CTNNA2: variants seen among roughly 807,000 people sequenced by gnomAD.
The protein encoded by CTNNA2 is catenin alpha-2.
In CTNNA2, 42 loss-of-function variants were observed where a neutral mutation model predicts 101.0. The ratio of observed to expected loss-of-function variants is 0.42; its 90% confidence interval spans 0.32 to 0.54. CTNNA2 has a LOEUF of 0.54. Ranked by LOEUF, CTNNA2 falls within the 20% of genes least tolerant of loss-of-function variation. The pLI is 0.14. For missense variants in CTNNA2, 871 were observed against 1,223.1 expected (o/e 0.71, Z 4.29); for synonymous variants, 450 against 456.4 (o/e 0.99, Z 0.18).
chr2:79,796,345 C>CGCCGCTGCATTCCAGCCTA, intron 3 of CTNNA2, among the ~76,000 whole-genome samples: 3 of 148,714 alleles, frequency 2.0e-5, no homozygotes, highest in African/African-American at 7.5e-5. Flanking sequence ...CCGAGAGCCG[C>CGCCGCTGCATTCCAGCCTA]GATTGCGCCG....
chr2:80,623,101 G>A, intron 18 of CTNNA2, among the ~76,000 whole-genome samples: 1 of 144,320 alleles, frequency 6.9e-6, no homozygotes, highest in African/African-American at 2.5e-5. Flanking sequence ...TTTGTTTCAA[G>A]AGAAAAATGA....
chr2:80,376,976 C>T, intron 7 of CTNNA2, among the ~76,000 whole-genome samples: 1 of 152,206 alleles, frequency 6.6e-6, no homozygotes, highest in East Asian at 1.9e-4. Context: ...CAGTCCCCAG[C>T]ATTTGCTCCC....
intron 7 of CTNNA2, among the ~76,000 whole-genome samples, chr2:80,143,662 TTC>T (rs1703153376): frequency 6.6e-6 from 1 of 152,092 alleles, no homozygotes; most frequent in Non-Finnish European, 1.5e-5. Context: ...CATTCCTACA[TTC>T]TCCTTTCAAA....
intron 9 of CTNNA2, among the ~76,000 whole-genome samples, chr2:80,475,305 T>C (rs1048237304): frequency 2.0e-5 from 3 of 152,156 alleles, no homozygotes; most frequent in East Asian, 1.9e-4. Flanking sequence ...TGGCATTTTT[T>C]CCCCTTTATT....
chr2:80,474,620 T>C (rs991222066), intron 9 of CTNNA2, among the ~76,000 whole-genome samples: 1 of 152,168 alleles, frequency 6.6e-6, no homozygotes, highest in South Asian at 2.1e-4. Flanking sequence ...TGCAAAGTCT[T>C]TTTATTATCT....
intron 7 of CTNNA2, among the ~76,000 whole-genome samples, chr2:80,258,728 G>A (rs930697282): frequency 1.3e-5 from 2 of 152,148 alleles, no homozygotes; most frequent in African/African-American, 4.8e-5. Flanking sequence ...GGCAGGGAAG[G>A]CAGAAGGAAC....
chr2:79,308,861 TGA>T (rs2104397949), intron 2 of CTNNA2, among the ~76,000 whole-genome samples: 1 of 152,048 alleles, frequency 6.6e-6, no homozygotes, highest in African/African-American at 2.4e-5. Flanking sequence ...CAAATGATTT[TGA>T]AGTTTTACCT....
At chr2:79,289,396 A>G (rs148433817) in intron 2 of CTNNA2, among the ~76,000 whole-genome samples, 5 of 152,256 alleles carry the variant, frequency 3.3e-5, no homozygotes, top group Non-Finnish European at 7.4e-5. Flanking sequence ...TAAAAATGGA[A>G]ATTATATTCA....
intron 3 of CTNNA2, among the ~76,000 whole-genome samples, chr2:79,746,435 A>C (rs1323454657): frequency 6.6e-6 from 1 of 152,192 alleles, no homozygotes; most frequent in East Asian, 1.9e-4. Context: ...TGTAGTTGAA[A>C]GTTCTAAGGA....
At chr2:80,593,045 T>G (rs1696647077) in intron 15 of CTNNA2, among the ~76,000 whole-genome samples, 1 of 152,310 alleles carries the variant, frequency 6.6e-6, no homozygotes, top group South Asian at 2.1e-4. Context: ...TTCAAGAATC[T>G]ATATAAGTAG....
chr2:79,387,984 C>T (rs144693728), intron 4 of CTNNA2, among the ~76,000 whole-genome samples: 1 of 152,146 alleles, frequency 6.6e-6, no homozygotes, highest in Admixed American at 6.5e-5. Context: ...AAGACATAGA[C>T]CCTGCATCTT....
chr2:79,573,615 C>T (rs940954364), intron 1 of CTNNA2: 20 of 152,302 alleles, frequency 1.3e-4, no homozygotes, highest in South Asian at 6.2e-4. Context: ...CATAGAACCA[C>T]GATTTTTAAA....
At chr2:80,434,914 G>GT (rs950264010) in intron 9 of CTNNA2, among the ~76,000 whole-genome samples, 5 of 151,986 alleles carry the variant, frequency 3.3e-5, no homozygotes, top group Non-Finnish European at 4.4e-5. Flanking sequence ...CTTTGAATGA[G>GT]TTTTTTTTCC....
At chr2:80,313,603 CTG>C in intron 7 of CTNNA2, 1 of 1,611,380 alleles carries the variant, frequency 6.2e-7, no homozygotes, top group African/African-American at 1.3e-5. Flanking sequence ...TAGGCAAAGT[CTG>C]TGAAAAAAAT....
intron 3 of CTNNA2, among the ~76,000 whole-genome samples, chr2:79,812,482 C>T (rs1677123249): frequency 1.3e-5 from 2 of 152,062 alleles, no homozygotes; most frequent in South Asian, 2.1e-4. Context: ...GCATCTATTG[C>T]AATGATCACA....
chr2:79,402,895 T>C (rs1160859416), intron 4 of CTNNA2, among the ~76,000 whole-genome samples: 1 of 151,790 alleles, frequency 6.6e-6, no homozygotes, highest in Admixed American at 6.6e-5. Context: ...ATTGCTTAAA[T>C]GATTAAATAC....
chr2:79,917,614 T>C (rs1467505618), intron 7 of CTNNA2, among the ~76,000 whole-genome samples: 2 of 152,168 alleles, frequency 1.3e-5, no homozygotes, highest in Non-Finnish European at 2.9e-5. Flanking sequence ...TTTTTTTTCT[T>C]ACTTCCTTTT....
intron 3 of CTNNA2, among the ~76,000 whole-genome samples, chr2:79,346,053 A>G (rs763431896): frequency 8.6e-5 from 13 of 152,032 alleles, no homozygotes; most frequent in African/African-American, 2.4e-4. Flanking sequence ...ATCTGTGTAT[A>G]TTGAGAGAGG....
chr2:80,146,710 GTTTTTTTTTTTTTTTTTTT>G (rs34019123), intron 7 of CTNNA2, among the ~76,000 whole-genome samples: 3 of 61,744 alleles, frequency 4.9e-5, no homozygotes, highest in Non-Finnish European at 6.1e-5. Flanking sequence ...GTCCCCTCTG[GTTTTTTTTTTTTTTTTTTT>G]TTTTTTTTTT....
Sources: allele counts gnomAD v4.1 joint callset (sites outside exome capture counted in the v4.1 genomes callset), GRCh38; gene constraint gnomAD v4.1.1; transcripts MANE v1.5; gene names NCBI Gene and HGNC (gene_info 2026-07-23, HGNC 2026-07-21).